The following KCTD16 variants were observed in gnomAD, a reference collection of about 807,000 sequenced individuals.
KCTD16 encodes the protein BTB/POZ domain-containing protein KCTD16.
A neutral mutation model predicts 33.2 loss-of-function variants in KCTD16; 13 were observed. That is an observed-to-expected ratio of 0.39 (90% CI 0.25 to 0.62). The LOEUF (loss-of-function observed/expected upper bound fraction) is 0.62, where lower values mean the gene tolerates loss of function less well. Ranked by LOEUF, KCTD16 falls within the 20% of genes least tolerant of loss-of-function variation. The pLI is 0.50. For synonymous variants in KCTD16, 197 were observed against 195.3 expected (o/e 1.01, Z -0.07); for missense variants, 441 against 525.1 (o/e 0.84, Z 1.57).
chr5:144,204,284 G>A (rs976538719), intron 2 of KCTD16, among the ~76,000 whole-genome samples: 7 of 152,120 alleles, frequency 4.6e-5, no homozygotes, highest in African/African-American at 1.4e-4. Context: ...GATGGCGTGT[G>A]CCTCACATAT....
intron 3 of KCTD16, among the ~76,000 whole-genome samples, chr5:144,321,234 A>AG (rs143175710): frequency 0.083 from 12,590 of 152,146 alleles, 1,265 homozygotes; most frequent in African/African-American, 0.23. Flanking sequence ...TAAAACTGTA[A>AG]GGTTCTTTGG....
rs1484756100 is a variant in KCTD16, at chr5:144,475,247, A to G, written c.*1133A>G. On this transcript the variant is annotated 3_prime_UTR_variant, in exon 4 of 4. Transcript: ENST00000512467. ...ACACACAACCTAATAATTTCTTATA[A>G]AAATTTTAAACTACAAAGCTACATT... The G allele has an allele frequency of 1.3e-5, 2 of 152,214 alleles. No homozygotes were observed. Among genetic ancestry groups the G allele is most frequent in the Non-Finnish European group, 2.9e-5 (2 of 68,038 alleles). 9.4% of individuals were successfully genotyped at this position (152,214 alleles called of 1,614,324 possible).
At chr5:144,268,927 A>G (rs1755221287) in intron 3 of KCTD16, among the ~76,000 whole-genome samples, 1 of 152,278 alleles carries the variant, frequency 6.6e-6, no homozygotes, top group African/African-American at 2.4e-5. Flanking sequence ...TTCTGGAGCT[A>G]AAAATTACCG....
chr5:144,175,740 G>C (rs1202670456), intron 2 of KCTD16, among the ~76,000 whole-genome samples: 1 of 152,136 alleles, frequency 6.6e-6, no homozygotes. Flanking sequence ...AGCAAGATAG[G>C]AGTATTCATT....
At chr5:144,465,274 T>C (rs1754302744) in intron 3 of KCTD16, among the ~76,000 whole-genome samples, 1 of 150,444 alleles carries the variant, frequency 6.6e-6, no homozygotes, top group Non-Finnish European at 1.5e-5. Context: ...GAATCTTCTT[T>C]CTTCGAAGTA....
intron 3 of KCTD16, among the ~76,000 whole-genome samples, chr5:144,285,879 T>TCCCAGC: frequency 6.6e-6 from 1 of 152,148 alleles, no homozygotes; most frequent in Admixed American, 6.5e-5. Flanking sequence ...GACAGAACAA[T>TCCCAGC]TCTAAGATGC....
intron 3 of KCTD16, among the ~76,000 whole-genome samples, chr5:144,292,956 G>A (rs917177323): frequency 5.3e-5 from 8 of 152,330 alleles, no homozygotes; most frequent in Admixed American, 5.2e-4. Context: ...ACCTCAAGCT[G>A]TGAAGCACAA....
chr5:144,262,606 A>T (rs1428890532), intron 3 of KCTD16, among the ~76,000 whole-genome samples: 3 of 152,212 alleles, frequency 2.0e-5, no homozygotes, highest in Non-Finnish European at 2.9e-5. Context: ...TGCTCTTCTC[A>T]TTTTAATCCT....
At chr5:144,222,355 A>C (rs1303160837) in intron 3 of KCTD16, among the ~76,000 whole-genome samples, 1 of 152,208 alleles carries the variant, frequency 6.6e-6, no homozygotes, top group African/African-American at 2.4e-5. Context: ...AAAAGTAATA[A>C]TGTGGTGTGG....
At chr5:144,340,129 C>G (rs947663008) in intron 3 of KCTD16, among the ~76,000 whole-genome samples, 10 of 152,014 alleles carry the variant, frequency 6.6e-5, no homozygotes, top group Non-Finnish European at 1.3e-4. Flanking sequence ...AAATCATGAT[C>G]TGAGGCCAGG....
Position 144,481,369 on chromosome 5 carries a change from T to A in KCTD16, c.*7255T>A, listed in dbSNP as rs2127007678. The A allele has an allele frequency of 6.6e-6, 1 of 152,030 alleles. No individual in the cohort carries two copies. Among genetic ancestry groups the A allele is most frequent in the African/African-American group, 2.4e-5 (1 of 41,518 alleles). The allele number at this position is 152,030 out of a possible 1,614,324, so 9.4% of individuals were successfully genotyped here. Reference sequence around the variant, plus strand: ...TACTTTGAGTTGAATATTCCCTCTCTGAGGATGGTAAAATCTTATTGGAAA... The same window carrying A: ...TACTTTGAGTTGAATATTCCCTCTCAGAGGATGGTAAAATCTTATTGGAAA... On this transcript the variant is annotated 3_prime_UTR_variant, in exon 4 of 4. Transcript: ENST00000512467.
At chr5:144,360,263 C>A (rs775498122) in intron 3 of KCTD16, among the ~76,000 whole-genome samples, 4 of 152,082 alleles carry the variant, frequency 2.6e-5, no homozygotes, top group African/African-American at 4.8e-5. Flanking sequence ...CTCCTACCCC[C>A]CAAGAGGCCC....
chr5:144,417,873 G>C lies in KCTD16; in HGVS notation c.833-55787G>C, dbSNP rs529049781. On this transcript the variant is annotated intron_variant, in intron 3 of 3. Transcript: ENST00000512467. ...ATGTGTCTGGAATTGGTTCCTTCCT[G>C]TGGATTCCTGGTCTTGCTGACTTCA... Among the ~76,000 whole-genome samples, 88 of 152,220 alleles carry C rather than the reference G, an allele frequency of 5.8e-4. 1 individual carries two copies. Among genetic ancestry groups the C allele is most frequent in the African/African-American group, 2.1e-3 (87 of 41,554 alleles).
chr5:144,392,310 T>C (rs938760253), intron 3 of KCTD16, among the ~76,000 whole-genome samples: 5 of 152,124 alleles, frequency 3.3e-5, no homozygotes, highest in Non-Finnish European at 5.9e-5. Flanking sequence ...TGCAAGTGCT[T>C]TGAGTGGCTC....
At chr5:144,290,845 A>G (rs1405363811) in intron 3 of KCTD16, among the ~76,000 whole-genome samples, 4 of 152,236 alleles carry the variant, frequency 2.6e-5, no homozygotes, top group Non-Finnish European at 5.9e-5. Flanking sequence ...CATGAGAAGC[A>G]ATTATCTTTC....
chr5:144,412,906 A>G (rs1752964339), intron 3 of KCTD16, among the ~76,000 whole-genome samples: 1 of 152,136 alleles, frequency 6.6e-6, no homozygotes, highest in Non-Finnish European at 1.5e-5. Context: ...ATAAATAAGT[A>G]AGATCTAATG....
intron 3 of KCTD16, among the ~76,000 whole-genome samples, chr5:144,347,688 CAAGTGA>C (rs1752841157): frequency 6.6e-6 from 1 of 152,146 alleles, no homozygotes; most frequent in African/African-American, 2.4e-5. Context: ...GAGGAAACAG[CAAGTGA>C]AAAGGCTGAG....
chr5:144,216,464 G>A (rs1341322075), intron 3 of KCTD16, among the ~76,000 whole-genome samples: 1 of 152,180 alleles, frequency 6.6e-6, no homozygotes, highest in Non-Finnish European at 1.5e-5. Context: ...TTTTTATTCT[G>A]AGTAAATCTG....
At chr5:144,376,194 G>T (rs1437770307) in intron 3 of KCTD16, among the ~76,000 whole-genome samples, 1 of 151,560 alleles carries the variant, frequency 6.6e-6, no homozygotes, top group Non-Finnish European at 1.5e-5. Context: ...TGATATCTGG[G>T]TCTCAATACT....
Sources: gnomAD v4.1 joint callset for allele counts (sites outside exome capture counted in the v4.1 genomes callset) on GRCh38, gnomAD v4.1.1 for gene constraint, MANE v1.5 for transcripts, NCBI Gene and HGNC (gene_info 2026-07-23, HGNC 2026-07-21) for gene names.